The following PM20D2 variants were observed in gnomAD, a reference collection of about 807,000 sequenced individuals.
The protein encoded by PM20D2 is peptidase M20 domain containing 2, also known as xaa-Arg dipeptidase.
Under a neutral mutation model 42.9 loss-of-function variants are expected in PM20D2, and 33 were observed. That is an observed-to-expected ratio of 0.77 (90% confidence interval 0.58 to 1.03). The LOEUF (loss-of-function observed/expected upper bound fraction) is 1.03, where lower values mean the gene tolerates loss of function less well. Among genes scored for constraint, PM20D2 ranks in the 50% least tolerant of loss-of-function variants. PM20D2 has a pLI of 0.00. For synonymous variants in PM20D2, 250 were observed against 228.2 expected (o/e 1.10, Z -0.86); for missense variants, 548 against 557.0 (o/e 0.98, Z 0.16).
the PM20D2 span, among the ~76,000 whole-genome samples, chr6:89,123,115 A>G: frequency 6.6e-6 from 1 of 152,204 alleles, no homozygotes; most frequent in Non-Finnish European, 1.5e-5. Flanking sequence ...CTTTTCCTGT[A>G]TATTCCCTAA....
the PM20D2 span, among the ~76,000 whole-genome samples, chr6:89,133,566 T>C: frequency 1.3e-5 from 2 of 151,122 alleles, no homozygotes; most frequent in African/African-American, 2.5e-5. Context: ...GCTATATTTC[T>C]CATCCTCCCT....
At chr6:89,136,086 A>G in the PM20D2 span, among the ~76,000 whole-genome samples, 1 of 151,044 alleles carries the variant, frequency 6.6e-6, no homozygotes, top group Admixed American at 6.6e-5. Context: ...TGCAGACGTG[A>G]CTGCAATACA....
chr6:89,131,450 G>T, the PM20D2 span, among the ~76,000 whole-genome samples: 1 of 86,702 alleles, frequency 1.2e-5, no homozygotes, highest in South Asian at 5.2e-4. Flanking sequence ...CACTTTGGGA[G>T]ACTGAGGCGG....
the PM20D2 span, among the ~76,000 whole-genome samples, chr6:89,114,588 T>C: frequency 6.5e-3 from 985 of 150,824 alleles, 12 homozygotes; most frequent in African/African-American, 0.023. Flanking sequence ...TTTGATTGTC[T>C]GCCAGTGGCA....
At chr6:89,111,708 C>T in the PM20D2 span, among the ~76,000 whole-genome samples, 3 of 152,000 alleles carry the variant, frequency 2.0e-5, no homozygotes, top group Non-Finnish European at 2.9e-5. Flanking sequence ...TTTTCTTTTT[C>T]CTGATTTTAT....
At chr6:89,161,983 A>G in intron 6 of PM20D2, 93 bp downstream of exon 6, 1 of 1,473,282 alleles carries the variant, frequency 6.8e-7, no homozygotes, top group Non-Finnish European at 9.4e-7. Context: ...ACTACATAAC[A>G]TCACCTCAGT....
chr6:89,134,318 T>C, the PM20D2 span, among the ~76,000 whole-genome samples: 4 of 151,180 alleles, frequency 2.6e-5, 1 homozygote, highest in Admixed American at 2.6e-4. Flanking sequence ...GCCCTAAGCC[T>C]TTAAGAGAAT....
the PM20D2 span, among the ~76,000 whole-genome samples, chr6:89,104,422 G>A: frequency 6.6e-6 from 1 of 151,760 alleles, no homozygotes; most frequent in South Asian, 2.1e-4. Context: ...ATTTTTAGTA[G>A]AGGCGGGGTT....
the PM20D2 span, among the ~76,000 whole-genome samples, chr6:89,136,188 C>T: frequency 1.3e-5 from 2 of 151,090 alleles, no homozygotes; most frequent in Admixed American, 1.3e-4. Flanking sequence ...ACTTCAGTGT[C>T]AAACTGTGAG....
chr6:89,146,571 G>C lies in PM20D2; in HGVS notation c.427G>C (p.Ala143Pro), dbSNP rs1408647778. 19 of 1,481,872 alleles carry C rather than the reference G, an allele frequency of 1.3e-5. No individual in the cohort carries two copies. In the Admixed American group the frequency reaches 2.3e-4, roughly 18 times the overall value. 91.8% of individuals were successfully genotyped at this position (1,481,872 alleles called of 1,614,324 possible). ...GGCGGCCGCGCTGGGCGTGAGGGGG[G>C]CCTTAGAGGGCCTCCCCAGGCCGCC... ...GAAAALGVRG[A>P]LEGLPRPPPP... The change falls in exon 1 of 7, where the codon GCC becomes CCC. Residue 143 changes from alanine to proline, a missense_variant. Around this residue, in one of 3 missense-constraint regions of PM20D2, gnomAD observed 470 missense variants for 464.4 expected, o/e 1.01. Coordinates refer to ENST00000275072, the MANE Select transcript of PM20D2 (RefSeq NM_001010853.3).
At chr6:89,158,564 T>TCCC in intron 5 of PM20D2, 104 bp downstream of exon 5, 3 of 1,310,046 alleles carry the variant, frequency 2.3e-6, no homozygotes, top group Non-Finnish European at 3.2e-6. Context: ...GAGGTACTAC[T>TCCC]GACGTTTTTA....
chr6:89,115,470 C>T, the PM20D2 span, among the ~76,000 whole-genome samples: 10 of 151,834 alleles, frequency 6.6e-5, no homozygotes, highest in South Asian at 6.2e-4. Flanking sequence ...TTAGTACAGA[C>T]GGGGTTTCAC....
At chr6:89,125,418 T>G in the PM20D2 span, among the ~76,000 whole-genome samples, 2 of 151,190 alleles carry the variant, frequency 1.3e-5, no homozygotes, top group African/African-American at 4.9e-5. Context: ...AGGCGGAGGT[T>G]GCAGTGAGCC....
chr6:89,138,635 C>T, the PM20D2 span, among the ~76,000 whole-genome samples: 26 of 152,194 alleles, frequency 1.7e-4, no homozygotes, highest in East Asian at 3.9e-3. Flanking sequence ...ATCACAAAGG[C>T]GGGCAGATCA....
the PM20D2 span, among the ~76,000 whole-genome samples, chr6:89,139,878 GCTTT>G: frequency 6.6e-6 from 1 of 152,194 alleles, no homozygotes; most frequent in East Asian, 1.9e-4. Context: ...ATGATGTAAT[GCTTT>G]CTTTATCTCC....
the PM20D2 span, among the ~76,000 whole-genome samples, chr6:89,139,675 T>G: frequency 8.5e-5 from 13 of 152,220 alleles, no homozygotes; most frequent in East Asian, 9.7e-4. Context: ...GCCCCTGCAC[T>G]CTGGCCCGCG....
chr6:89,109,291 G>GT, the PM20D2 span, among the ~76,000 whole-genome samples: 1 of 152,190 alleles, frequency 6.6e-6, no homozygotes, highest in Non-Finnish European at 1.5e-5. Context: ...GAGACTGAAG[G>GT]TTAAGAATCA....
chr6:89,104,385 T>C, the PM20D2 span, among the ~76,000 whole-genome samples: 1 of 151,950 alleles, frequency 6.6e-6, no homozygotes, highest in African/African-American at 2.4e-5. Flanking sequence ...TACAGGTGCG[T>C]GGCTACCACA....
intron 5 of PM20D2, among the ~76,000 whole-genome samples, chr6:89,160,705 A>G (rs147979117): frequency 4.6e-5 from 7 of 152,336 alleles, no homozygotes; most frequent in East Asian, 1.9e-4. Context: ...CATCCAATAC[A>G]TGGAAAATTA....
Sources: allele counts gnomAD v4.1 joint callset (sites outside exome capture counted in the v4.1 genomes callset), GRCh38; gene constraint gnomAD v4.1.1; regional missense constraint gnomAD v4.1.1; transcripts MANE v1.5; gene names NCBI Gene and HGNC (gene_info 2026-07-23, HGNC 2026-07-21).